The following THSD7A variants were observed in gnomAD, a reference collection of about 807,000 sequenced individuals.
THSD7A encodes the protein thrombospondin type 1 domain containing 7A.
Under a neutral mutation model 231.3 loss-of-function variants are expected in THSD7A, and 96 were observed. That is an observed-to-expected ratio of 0.41 (90% CI 0.35 to 0.49). The LOEUF is 0.49. THSD7A is among the 20% of genes least tolerant of loss of function. The pLI is 0.05. For missense variants in THSD7A, 2,290 were observed against 2,070.2 expected (o/e 1.11, Z -2.06); for synonymous variants, 940 against 743.3 (o/e 1.26, Z -4.30).
intron 1 of THSD7A, among the ~76,000 whole-genome samples, chr7:11,769,155 T>TATATATATATATATATATATATATATA (rs1562541467): frequency 2.5e-5 from 1 of 39,972 alleles, no homozygotes; most frequent in Non-Finnish European, 5.6e-5. Flanking sequence ...ATATATATAT[T>TATATATATATATATATATATATATATA]TTTTTTTTTT....
intron 7 of THSD7A, among the ~76,000 whole-genome samples, chr7:11,479,666 T>C (rs1786339941): frequency 6.6e-6 from 1 of 152,184 alleles, no homozygotes; most frequent in Non-Finnish European, 1.5e-5. Context: ...GAAAATGTGT[T>C]TCAGTGTCCA....
At chr7:11,767,731 T>C (rs1200085094) in intron 1 of THSD7A, among the ~76,000 whole-genome samples, 1 of 152,182 alleles carries the variant, frequency 6.6e-6, no homozygotes, top group Non-Finnish European at 1.5e-5. Flanking sequence ...TTAATTCTTG[T>C]TGAAAGTTGA....
intron 1 of THSD7A, among the ~76,000 whole-genome samples, chr7:11,673,403 T>C (rs1783483640): frequency 6.6e-6 from 1 of 152,068 alleles, no homozygotes; most frequent in Non-Finnish European, 1.5e-5. Context: ...ACACAACCCA[T>C]AGGCACCCAT....
At chr7:11,499,750 C>T (rs926643918) in intron 6 of THSD7A, among the ~76,000 whole-genome samples, 3 of 152,072 alleles carry the variant, frequency 2.0e-5, no homozygotes, top group African/African-American at 7.2e-5. Context: ...TGAAATAAGA[C>T]AGTCAGACAA....
At chr7:11,515,162 A>G (rs1222365619) in intron 6 of THSD7A, among the ~76,000 whole-genome samples, 1 of 152,202 alleles carries the variant, frequency 6.6e-6, no homozygotes, top group African/African-American at 2.4e-5. Context: ...CTAAAAATGG[A>G]AACATTTCAC....
intron 1 of THSD7A, among the ~76,000 whole-genome samples, chr7:11,823,259 T>C (rs1784925760): frequency 6.6e-6 from 1 of 152,084 alleles, no homozygotes; most frequent in Non-Finnish European, 1.5e-5. Context: ...GATCAGTTGG[T>C]TTAAAATATG....
chr7:11,652,011 T>C (rs908963424), intron 1 of THSD7A, among the ~76,000 whole-genome samples: 5 of 152,004 alleles, frequency 3.3e-5, no homozygotes, highest in Non-Finnish European at 7.4e-5. Context: ...CTAGAATGAT[T>C]TTATTACACA....
intron 2 of THSD7A, among the ~76,000 whole-genome samples, chr7:11,597,573 G>A (rs1193369464): frequency 6.6e-6 from 1 of 152,116 alleles, no homozygotes; most frequent in Non-Finnish European, 1.5e-5. Context: ...CACATCAGAG[G>A]CCTCTAGGAT....
chr7:11,745,202 A>C (rs1401009179), intron 1 of THSD7A, among the ~76,000 whole-genome samples: 2 of 152,052 alleles, frequency 1.3e-5, no homozygotes, highest in African/African-American at 4.8e-5. Flanking sequence ...AGTGATGATG[A>C]ACATTTTTTC....
intron 6 of THSD7A, among the ~76,000 whole-genome samples, chr7:11,538,970 G>T (rs1043752441): frequency 1.3e-5 from 2 of 152,136 alleles, no homozygotes; most frequent in African/African-American, 4.8e-5. Context: ...TGAGGAATGT[G>T]GGAGCAAAAA....
chr7:11,440,967 C>G (rs1784786171), intron 13 of THSD7A, among the ~76,000 whole-genome samples: 4 of 151,950 alleles, frequency 2.6e-5, no homozygotes, highest in Admixed American at 2.6e-4. Context: ...ATGAAAAAGT[C>G]AATGGATGCA....
At chr7:11,794,578 G>A (rs1468385197) in intron 1 of THSD7A, among the ~76,000 whole-genome samples, 1 of 151,938 alleles carries the variant, frequency 6.6e-6, no homozygotes, top group Non-Finnish European at 1.5e-5. Context: ...TCCACAGCGT[G>A]AAGCAGAAAG....
intron 23 of THSD7A, among the ~76,000 whole-genome samples, chr7:11,385,942 C>G (rs1347300353): frequency 3.9e-5 from 6 of 151,986 alleles, no homozygotes; most frequent in African/African-American, 7.3e-5. Context: ...TTGTTCAACT[C>G]CCACTTATGA....
intron 2 of THSD7A, among the ~76,000 whole-genome samples, chr7:11,629,654 C>A (rs1016809586): frequency 2.0e-5 from 3 of 152,146 alleles, no homozygotes; most frequent in African/African-American, 7.2e-5. Flanking sequence ...CCATATAGCT[C>A]ATCAACTGAG....
chr7:11,519,762 T>G (rs1788184573), intron 6 of THSD7A, among the ~76,000 whole-genome samples: 1 of 152,184 alleles, frequency 6.6e-6, no homozygotes, highest in South Asian at 2.1e-4. Context: ...GTGTTCTTGA[T>G]ATAGTTGTTG....
chr7:11,541,389 A>C, intron 6 of THSD7A, 30 bp downstream of exon 6: 1 of 1,608,186 alleles, frequency 6.2e-7, no homozygotes, highest in Non-Finnish European at 8.5e-7. Context: ...TTGGACATCC[A>C]TAAAAACATA....
chr7:11,801,379 T>C (rs573727322), intron 1 of THSD7A, among the ~76,000 whole-genome samples: 20 of 152,134 alleles, frequency 1.3e-4, no homozygotes, highest in Non-Finnish European at 2.4e-4. Context: ...AGTAAGTCTT[T>C]TACATACATT....
chr7:11,636,078 T>C lies in THSD7A; in HGVS notation c.1022+52A>G, dbSNP rs1781831145. 6.7e-7 allele frequency: 1 copy of C among 1,498,508 alleles called. No homozygotes were observed. The highest frequency in any genetic ancestry group is 9.1e-7 in the Non-Finnish European group (1 of 1,100,584). 92.8% of individuals were successfully genotyped at this position (1,498,508 alleles called of 1,614,324 possible). A position where few individuals can be genotyped will look rare whatever the true frequency, so the allele number is the denominator to read the frequency against. On this transcript the variant is annotated intron_variant, in intron 2 of 27. Coordinates refer to ENST00000423059, the MANE Select transcript of THSD7A (RefSeq NM_015204.3). The surrounding 1 kb of genome is among the most constrained non-coding windows in gnomAD (Gnocchi z 10.0). ...AGATAGTACCGGATATCTTAGGTAC[T>C]CATGATTCTTGACAGACAAGCCTGT...
chr7:11,497,890 G>T (rs1787167879), intron 6 of THSD7A, among the ~76,000 whole-genome samples: 1 of 152,144 alleles, frequency 6.6e-6, no homozygotes, highest in South Asian at 2.1e-4. Flanking sequence ...CCAGGGAAGT[G>T]ATGAGTGAAT....
Sources: gnomAD v4.1 joint callset for allele counts (sites outside exome capture counted in the v4.1 genomes callset) on GRCh38, gnomAD v4.1.1 for gene constraint, Gnocchi (gnomAD v3.1) non-coding constraint, MANE v1.5 for transcripts, NCBI Gene and HGNC (gene_info 2026-07-23, HGNC 2026-07-21) for gene names.